The following NME1 variants were observed in gnomAD, a reference collection of about 807,000 sequenced individuals.
NME1 encodes NME/NM23 nucleoside diphosphate kinase 1, also known as nucleoside diphosphate kinase A.
NME1 carries 9 observed loss-of-function variants against 17.2 expected under a neutral mutation model. That is an observed-to-expected ratio of 0.52 (90% CI 0.32 to 0.92). The LOEUF (loss-of-function observed/expected upper bound fraction) is 0.92. NME1 is among the 40% of genes least tolerant of loss of function. NME1 has a pLI of 0.04. For missense variants in NME1, 169 were observed against 201.7 expected (o/e 0.84, Z 0.98); for synonymous variants, 72 against 70.8 (o/e 1.02, Z -0.09).
At chr17:51,160,202 C>T (rs1345506675) in intron 3 of NME1, 121 bp downstream of exon 3, 6 of 1,014,942 alleles carry the variant, frequency 5.9e-6, no homozygotes, top group Non-Finnish European at 9.2e-6. Flanking sequence ...TTTCATATAC[C>T]AGCTAATGGT....
chr17:51,156,827 G>GGTTGCA (rs973187495), intron 2 of NME1, among the ~76,000 whole-genome samples: 3 of 151,224 alleles, frequency 2.0e-5, no homozygotes, highest in Non-Finnish European at 2.9e-5. Context: ...GGGAGGTGGA[G>GGTTGCA]GTTGCAGTGA....
rs2049865124 is a variant in NME1, at chr17:51,161,592, G to A, written c.342-136G>A. ...TTTCAGCCTTAAGTGAATGGCCATT[G>A]TAGGCTTTTTCTTTTAACATGGTCT... On this transcript the variant is annotated intron_variant, in intron 4 of 4. Coordinates refer to ENST00000393196, the MANE Select transcript of NME1 (RefSeq NM_000269.3). 7.4e-6 allele frequency: 6 copies of A among 808,280 alleles called. No individual in the cohort carries two copies. The Admixed American group carries it at 7.5e-5, about 10-fold the overall frequency. The allele number at this position is 808,280 out of a possible 1,614,324, so 50.1% of individuals were successfully genotyped here.
intron 1 of NME1, chr17:51,154,135 A>C (rs988818912): frequency 1.7e-5 from 9 of 515,522 alleles, no homozygotes; most frequent in Non-Finnish European, 2.5e-5. Flanking sequence ...GATTCTCCGC[A>C]GTCTTTGGGC....
intron 1 of NME1, chr17:51,154,441 C>T (rs749386239): frequency 5.6e-6 from 9 of 1,613,204 alleles, no homozygotes; most frequent in South Asian, 5.5e-5. Flanking sequence ...AGCTGTGATA[C>T]AGGGTAGGTC....
chr17:51,156,291 G>A (rs1431242469), intron 2 of NME1: 7 of 202,482 alleles, frequency 3.5e-5, no homozygotes, highest in Non-Finnish European at 6.1e-5. Context: ...AAACAGCAGA[G>A]AGCAGATGTA....
intron 2 of NME1, among the ~76,000 whole-genome samples, chr17:51,159,637 AGT>A (rs896830369): frequency 1.3e-4 from 19 of 151,960 alleles, no homozygotes; most frequent in African/African-American, 4.6e-4. Flanking sequence ...CAAGTCTGGT[AGT>A]GTGTGTCTAC....
At chr17:51,161,641 T>C in intron 4 of NME1, 87 bp from the exon 5 acceptor site, 1 of 990,192 alleles carries the variant, frequency 1.0e-6, no homozygotes, top group Non-Finnish European at 1.6e-6. Context: ...CTTCAGCTTT[T>C]ATGCTGCTGT....
chr17:51,159,356 T>C (rs2049831657), intron 2 of NME1, among the ~76,000 whole-genome samples: 1 of 152,194 alleles, frequency 6.6e-6, no homozygotes, highest in South Asian at 2.1e-4. Context: ...GTCCCGGCCC[T>C]TTGGGAGGCC....
chr17:51,157,508 T>C (rs1262520191), intron 2 of NME1, among the ~76,000 whole-genome samples: 1 of 152,164 alleles, frequency 6.6e-6, no homozygotes, highest in African/African-American at 2.4e-5. Flanking sequence ...CTCCCAACAT[T>C]GTTGCATCGA....
At chr17:51,161,104 G>T (rs772077080) in intron 3 of NME1, 56 bp from the exon 4 acceptor site, 2 of 1,545,058 alleles carry the variant, frequency 1.3e-6, no homozygotes, top group African/African-American at 2.7e-5. Context: ...ATAGTTGCCA[G>T]ATTTTCTGCT....
At chr17:51,156,390 C>T (rs1216601164) in intron 2 of NME1, 2 of 162,558 alleles carry the variant, frequency 1.2e-5, no homozygotes, top group Admixed American at 1.2e-4. Flanking sequence ...TAGAGATAAT[C>T]CAAATTCTCG....
intron 2 of NME1, 40 bp downstream of exon 2, chr17:51,155,820 G>A (rs746684501): frequency 1.4e-5 from 22 of 1,610,514 alleles, no homozygotes; most frequent in Non-Finnish European, 1.7e-5. Flanking sequence ...TTCCTTCATA[G>A]TATAGGAGAA....
rs2049861131 is a variant in NME1 at position 51,161,255 on chromosome 17, C to A, written c.324C>A (p.Phe108Leu). 1 of 1,611,134 alleles carries A rather than the reference C, an allele frequency of 6.2e-7. No homozygotes were observed. Among genetic ancestry groups the A allele is most frequent in the East Asian group, 2.2e-5 (1 of 44,848 alleles). The change falls in exon 4 of 5, where the codon TTC becomes TTA. Residue 108 changes from phenylalanine (F) to leucine (L), a missense_variant. Physicochemically the swap from Phe to Leu is conservative, Grantham distance 22 (BLOSUM62 0). Coordinates refer to ENST00000393196, the MANE Select transcript of NME1 (RefSeq NM_000269.3). ...AGCCTGGGACCATCCGTGGAGACTT[C>A]TGCATACAAGTTGGCAGGTGAGATT... ...DSKPGTIRGD[F>L]CIQVGRNIIH...
At chr17:51,159,355 C>A (rs1293089045) in intron 2 of NME1, among the ~76,000 whole-genome samples, 1 of 152,184 alleles carries the variant, frequency 6.6e-6, no homozygotes, top group Non-Finnish European at 1.5e-5. Flanking sequence ...AGTCCCGGCC[C>A]TTTGGGAGGC....
In NME1 at chr17:51,161,737, A is replaced by T; in HGVS notation, c.351A>T (p.Ile117=). 1 of 1,612,950 alleles carries T rather than the reference A, an allele frequency of 6.2e-7. No homozygotes were observed. The highest frequency in any genetic ancestry group is 1.1e-5 in the South Asian group (1 of 91,052). The change falls in exon 5 of 5, where the codon ATA becomes ATT. Residue 117 remains isoleucine, a synonymous_variant. Coordinates refer to ENST00000393196, the MANE Select transcript of NME1 (RefSeq NM_000269.3). The part of the protein sequence containing the change: ...DFCIQVGRNI[I]HGSDSVESAE... ...CTCTTTCTCCACCCAGGAACATTAT[A>T]CATGGCAGTGATTCTGTGGAGAGTG... is the stretch of plus-strand genomic sequence containing the variant.
intron 1 of NME1, chr17:51,154,312 A>T: frequency 2.0e-6 from 3 of 1,494,138 alleles, no homozygotes. Context: ...AGAAAATTGG[A>T]CTACAGTGCT....
At chr17:51,153,875 C>G (rs2049744281) in intron 1 of NME1, among the ~76,000 whole-genome samples, 1 of 152,088 alleles carries the variant, frequency 6.6e-6, no homozygotes, top group Non-Finnish European at 1.5e-5. Flanking sequence ...GGCCGCCTTT[C>G]TCGTCAGGCC....
intron 2 of NME1, 136 bp from the exon 3 acceptor site, chr17:51,159,844 A>T: frequency 1.1e-6 from 1 of 940,732 alleles, no homozygotes; most frequent in Non-Finnish European, 1.7e-6. Context: ...AGTGTGGAGA[A>T]TGAATTGGGT....
At chr17:51,161,112 G>T in intron 3 of NME1, 48 bp from the exon 4 acceptor site, 1 of 1,558,420 alleles carries the variant, frequency 6.4e-7, no homozygotes, top group South Asian at 1.2e-5. Context: ...CAGATTTTCT[G>T]CTGTGATTGG....
Sources: allele counts gnomAD v4.1 joint callset (sites outside exome capture counted in the v4.1 genomes callset), GRCh38; gene constraint gnomAD v4.1.1; transcripts MANE v1.5; gene names NCBI Gene and HGNC (gene_info 2026-07-23, HGNC 2026-07-21).